PKP3: variants seen among roughly 807,000 people sequenced by gnomAD.
PKP3 encodes plakophilin 3.
PKP3 carries 66 observed loss-of-function variants against 76.5 expected under a neutral mutation model. That is an observed-to-expected ratio of 0.86 (90% CI 0.71 to 1.06). PKP3 has a LOEUF of 1.06. Ranked by LOEUF, PKP3 falls within the 50% of genes least tolerant of loss-of-function variation. PKP3 has a pLI of 0.00. For synonymous variants in PKP3, 638 were observed against 516.5 expected, an observed-to-expected ratio of 1.24 and a Z score of -3.19; for missense variants, 1,338 against 1,141.0, an observed-to-expected ratio of 1.17 and a Z score of -2.49.
At position 403,666 on chromosome 11, in the gene PKP3, A is replaced by G; in HGVS notation, c.1972A>G (p.Asn658Asp). The change falls in exon 10 of 13, where the codon AAC becomes GAC. Residue 658 changes from asparagine (N) to aspartate (D), a missense_variant. By Grantham distance (23) the Asn-to-Asp change is conservative. Coordinates refer to ENST00000331563, the MANE Select transcript of PKP3 (RefSeq NM_007183.4). ...GGCCCTGGAGCAGGAGCGTATTCTG[A>G]ACCCCCTGCTAGACCGTGTCAGGAC... ...RLALEQERIL[N>D]PLLDRVRTAD... The G allele has an allele frequency of 6.2e-7, 1 of 1,610,066 alleles. No individual in the cohort carries two copies. Among genetic ancestry groups the G allele is most frequent in the Non-Finnish European group, 8.5e-7 (1 of 1,179,788 alleles).
At position 404,733 on chromosome 11, in the gene PKP3, C is replaced by T. The variant is rs1847228589; in HGVS notation, c.*164C>T. The T allele has an allele frequency of 4.7e-6, 3 of 640,996 alleles. No individual in the cohort carries two copies. In the African/African-American group the frequency reaches 5.5e-5, roughly 12 times the overall value. 39.7% of individuals were successfully genotyped at this position (640,996 alleles called of 1,614,324 possible). A position where few individuals can be genotyped will look rare whatever the true frequency, so the allele number is the denominator to read the frequency against. ...GAGGGTCCTGGGCCACCAGGAGGGG[C>T]AGGGTCTTATAGCTGGGGACTTGGC... On this transcript the variant is annotated 3_prime_UTR_variant, in exon 13 of 13. Transcript: ENST00000331563. This position sits in a 1 kb window ranked among gnomAD's most constrained non-coding sequence, Gnocchi z 4.2.
At position 397,243 on chromosome 11, in the gene PKP3, G is replaced by A. The variant is rs773220593; in HGVS notation, c.742G>A (p.Val248Met). ...GAGCCGGACCATCCGTGCCCCTGCC[G>A]TGCGGACCCTGCAGCGATTCCAGAG... ...SPSRTIRAPAVRTLQRFQSSH... is the reference protein window; with the variant it reads ...SPSRTIRAPAMRTLQRFQSSH... Residue 248 changes from valine to methionine, a missense_variant, in exon 3 of 13, where the codon GTG becomes ATG. By Grantham distance (21) the Val-to-Met change is conservative. Transcript: ENST00000331563. 1.2e-5 allele frequency: 19 copies of A among 1,599,614 alleles called. No homozygotes were observed. The highest frequency in any genetic ancestry group is 1.7e-4 in the Middle Eastern group (1 of 5,968).
chr11:403,296 C>A, intron 9 of PKP3, 33 bp downstream of exon 9: 1 of 1,509,888 alleles, frequency 6.6e-7, no homozygotes, highest in Non-Finnish European at 8.9e-7. Flanking sequence ...GAGGGGGTCC[C>A]AGGGGTTCAT....
rs747596838 is a variant in PKP3, at chr11:403,190, G to A, written c.1850G>A (p.Arg617His). Residue 617 changes from arginine (R) to histidine (H), a missense_variant, in exon 9 of 13, where the codon CGC becomes CAC. Coordinates refer to ENST00000331563, the MANE Select transcript of PKP3 (RefSeq NM_007183.4). ...IVGLYNRLLQ[R>H]CELNRHTTEA... is the part of the protein sequence containing the mutation. ...GGGCTGTACAACCGGCTGCTGCAGC[G>A]CTGCGAGCTCAACCGGCACACGACG... The A allele has an allele frequency of 2.3e-5, 37 of 1,589,634 alleles. 1 individual carries two copies. The highest frequency in any genetic ancestry group is 3.3e-4 in the Middle Eastern group (2 of 6,032).
At chr11:403,388 C>A in intron 9 of PKP3, 125 bp downstream of exon 9, 2 of 916,040 alleles carry the variant, frequency 2.2e-6, no homozygotes, top group South Asian at 1.7e-5. Context: ...CGGAGGTCAG[C>A]GTCCCGGTGG....
Position 404,512 on chromosome 11 carries a change from C to G in PKP3, c.2359-22C>G. 6.2e-7 allele frequency: 1 copy of G among 1,612,050 alleles called. No individual in the cohort carries two copies. The highest frequency in any genetic ancestry group is 8.5e-7 in the Non-Finnish European group (1 of 1,179,332). ...CACATGGGCAGACATGCACCCTGACCTTGGGCCTCTCTCCACTGTAGAAGG... is the reference window on the plus strand; with the variant it reads ...CACATGGGCAGACATGCACCCTGACGTTGGGCCTCTCTCCACTGTAGAAGG... On this transcript the variant is annotated intron_variant, in intron 12 of 12. Coordinates refer to ENST00000331563, the MANE Select transcript of PKP3 (RefSeq NM_007183.4). This position sits in a 1 kb window ranked among gnomAD's most constrained non-coding sequence, Gnocchi z 4.2.
At position 400,570 on chromosome 11, in the gene PKP3, G is replaced by C; in HGVS notation, c.1602G>C (p.Leu534=). The C allele has an allele frequency of 6.7e-7, 1 of 1,488,740 alleles. No individual in the cohort carries two copies. Among genetic ancestry groups the C allele is most frequent in the Non-Finnish European group, 8.9e-7 (1 of 1,127,688 alleles). The allele number at this position is 1,488,740 out of a possible 1,614,324, so 92.2% of individuals were successfully genotyped here. A position where few individuals can be genotyped will look rare whatever the true frequency, so the allele number is the denominator to read the frequency against. The part of the protein sequence containing the change: ...VENAVCVLRN[L]SYRLYDEMPP... ...ACGCGGTGTGCGTCCTGCGGAACCT[G>C]TCCTACCGCCTCTACGACGAGATGC... Residue 534 remains leucine (L), a synonymous_variant, in exon 8 of 13, where the codon CTG becomes CTC. Coordinates refer to ENST00000331563, the MANE Select transcript of PKP3 (RefSeq NM_007183.4).
At chr11:397,895 C>G (rs1385073488) in intron 4 of PKP3, 1 of 532,712 alleles carries the variant, frequency 1.9e-6, no homozygotes, top group African/African-American at 1.9e-5. Flanking sequence ...CACCTCCGTA[C>G]ACCCGCACAC....
Position 396,632 on chromosome 11 carries a change from C to T in PKP3, c.257C>T (p.Thr86Ile). 3 of 1,610,568 alleles carry T rather than the reference C, an allele frequency of 1.9e-6. No homozygotes were observed. Among genetic ancestry groups the T allele is most frequent in the Non-Finnish European group, 2.5e-6 (3 of 1,179,186 alleles). The change falls in exon 2 of 13, where the codon ACC (threonine) becomes ATC (isoleucine). Residue 86 changes from threonine to isoleucine, a missense_variant. Coordinates refer to ENST00000331563, the MANE Select transcript of PKP3 (RefSeq NM_007183.4). The part of the protein sequence containing the change: ...ARGTSRGQYH[T>I]LQAGFSSRSQ... ...GGCACATCCAGGGGGCAGTACCACA[C>T]CCTGCAGGCTGGCTTCAGCTCTCGC...
chr11:394,551 T>A, intron 1 of PKP3, 27 bp downstream of exon 1: 1 of 1,352,202 alleles, frequency 7.4e-7, no homozygotes, highest in Non-Finnish European at 9.5e-7. Context: ...GCGGCGGGGA[T>A]GGCGGTGGCG....
chr11:400,217 G>T, intron 6 of PKP3, 76 bp downstream of exon 6: 1 of 1,414,604 alleles, frequency 7.1e-7, no homozygotes, highest in Admixed American at 2.4e-5. Flanking sequence ...CCTGGCGTTC[G>T]CAGCCCACAC....
chr11:400,499 C>G (rs1273973360), intron 7 of PKP3, 36 bp from the exon 8 acceptor site: 1 of 1,501,828 alleles, frequency 6.7e-7, no homozygotes, highest in South Asian at 1.3e-5. Flanking sequence ...GGCCGCCGCT[C>G]TGACCCGCGC....
At position 404,907 on chromosome 11, in the gene PKP3, C is replaced by A; in HGVS notation, c.*338C>A. ...GGGAATAAAGATGGCCATGAACAGT[C>A]ACTGCCCTGTGTCCTTCCATGGCTG... On this transcript the variant is annotated 3_prime_UTR_variant, in exon 13 of 13. Coordinates refer to ENST00000331563, the MANE Select transcript of PKP3 (RefSeq NM_007183.4). The surrounding 1 kb of genome is among the most constrained non-coding windows in gnomAD (Gnocchi z 4.2). 2.8e-6 allele frequency: 1 copy of A among 356,562 alleles called. No homozygotes were observed. Among genetic ancestry groups the A allele is most frequent in the Non-Finnish European group, 5.3e-6 (1 of 187,598 alleles). 22.1% of individuals were successfully genotyped at this position (356,562 alleles called of 1,614,324 possible).
At position 404,528 on chromosome 11, in the gene PKP3, C is replaced by T; in HGVS notation, c.2359-6C>T. 2 of 1,612,448 alleles carry T rather than the reference C, an allele frequency of 1.2e-6. No homozygotes were observed. Among genetic ancestry groups the T allele is most frequent in the Non-Finnish European group, 1.7e-6 (2 of 1,179,680 alleles). On this transcript the variant is annotated splice_region_variant and splice_polypyrimidine_tract_variant and intron_variant, in intron 12 of 12. Transcript: ENST00000331563. This position sits in a 1 kb window ranked among gnomAD's most constrained non-coding sequence, Gnocchi z 4.2. The stretch of plus-strand genomic sequence containing the variant: ...CACCCTGACCTTGGGCCTCTCTCCA[C>T]TGTAGAAGGGCTATCGGAAGGAGGA...
upstream of PKP3, chr11:394,118 G>A: frequency 9.8e-7 from 1 of 1,019,902 alleles, no homozygotes; most frequent in Non-Finnish European, 1.3e-6. Flanking sequence ...CCTCCCACCT[G>A]GCCAGGTGTC....
Position 400,560 on chromosome 11 carries a change from T to A in PKP3, c.1592T>A (p.Leu531Gln). Residue 531 changes from leucine to glutamine, a missense_variant, in exon 8 of 13, where the codon CTG becomes CAG. Leu to Gln is a moderately radical substitution (Grantham distance 113). Coordinates refer to ENST00000331563, the MANE Select transcript of PKP3 (RefSeq NM_007183.4). ...DKSVENAVCV[L>Q]RNLSYRLYDE... Reference sequence around the variant, plus strand: ...AGCGTGGAGAACGCGGTGTGCGTCCTGCGGAACCTGTCCTACCGCCTCTAC... The same window carrying A: ...AGCGTGGAGAACGCGGTGTGCGTCCAGCGGAACCTGTCCTACCGCCTCTAC... The A allele has an allele frequency of 6.7e-7, 1 of 1,495,682 alleles. No individual in the cohort carries two copies. Among genetic ancestry groups the A allele is most frequent in the East Asian group, 2.6e-5 (1 of 38,216 alleles). 92.7% of individuals were successfully genotyped at this position (1,495,682 alleles called of 1,614,324 possible).
Position 396,653 on chromosome 11 carries a change from C to G in PKP3, c.278C>G (p.Ser93Cys). ...CACACCCTGCAGGCTGGCTTCAGCT[C>G]TCGCTCTCAGGGCCTGAGTGGGGAC... Reference protein sequence around the residue: ...QYHTLQAGFSSRSQGLSGDKT... With the variant: ...QYHTLQAGFSCRSQGLSGDKT... Residue 93 changes from serine to cysteine, a missense_variant, in exon 2 of 13, where the codon TCT becomes TGT. Ser to Cys is a moderately radical substitution (Grantham distance 112). Coordinates refer to ENST00000331563, the MANE Select transcript of PKP3 (RefSeq NM_007183.4). 6.2e-7 allele frequency: 1 copy of G among 1,611,344 alleles called. No individual in the cohort carries two copies. The highest frequency in any genetic ancestry group is 8.5e-7 in the Non-Finnish European group (1 of 1,179,412).
Position 403,098 on chromosome 11 carries a change from G to T in PKP3, c.1758G>T (p.Ala586=), listed in dbSNP as rs377458542. The part of the protein sequence containing the change: ...RLRELPLAAD[A]LTFAEVSKDP... ...CGCAGCTGCCCCTCGCCGCCGATGC[G>T]CTCACCTTCGCGGAGGTGTCCAAGG... The change falls in exon 9 of 13, where the codon GCG becomes GCT. Residue 586 remains alanine, a synonymous_variant. Coordinates refer to ENST00000331563, the MANE Select transcript of PKP3 (RefSeq NM_007183.4). 6,053 of 1,525,860 alleles carry T rather than the reference G, an allele frequency of 4.0e-3. 50 individuals are homozygous for T. Among genetic ancestry groups the T allele is most frequent in the Middle Eastern group, 7.2e-3 (40 of 5,592 alleles). The allele number at this position is 1,525,860 out of a possible 1,614,324, so 94.5% of individuals were successfully genotyped here.
At chr11:400,484 C>G (rs958155669) in intron 7 of PKP3, 33 bp downstream of exon 7, 2 of 1,514,990 alleles carry the variant, frequency 1.3e-6, no homozygotes, top group Non-Finnish European at 1.8e-6. Flanking sequence ...GGGGCCGTGC[C>G]CCCGGGCCGC....
Sources: allele counts gnomAD v4.1 joint callset, GRCh38; gene constraint gnomAD v4.1.1; non-coding constraint Gnocchi (gnomAD v3.1); transcripts MANE v1.5; gene names NCBI Gene and HGNC (gene_info 2026-07-23, HGNC 2026-07-21).